NALF1: variants seen among roughly 807,000 people sequenced by gnomAD.
NALF1 encodes the protein family with sequence similarity 155 member A.
In NALF1, 3 loss-of-function variants were observed where a neutral mutation model predicts 48.4. The ratio of observed to expected loss-of-function variants is 0.06; its 90% confidence interval spans 0.03 to 0.16. The LOEUF (loss-of-function observed/expected upper bound fraction) is 0.16. Among genes scored for constraint, NALF1 ranks in the 10% least tolerant of loss-of-function variants. The probability of loss-of-function intolerance (pLI) is 1.00; values close to 1 mark genes in which losing one functional copy is unlikely to be tolerated. For synonymous variants in NALF1, 262 were observed against 245.7 expected, an observed-to-expected ratio of 1.07 and a Z score of -0.62; for missense variants, 526 against 571.5, an observed-to-expected ratio of 0.92 and a Z score of 0.81.
At chr13:107,667,203 G>A (rs1455529279) in intron 1 of NALF1, among the ~76,000 whole-genome samples, 1 of 151,898 alleles carries the variant, frequency 6.6e-6, no homozygotes, top group Non-Finnish European at 1.5e-5. Flanking sequence ...AACCTTGTAT[G>A]TAATTACCAT....
chr13:107,243,151 A>C (rs1338230884), intron 1 of NALF1, among the ~76,000 whole-genome samples: 1 of 152,074 alleles, frequency 6.6e-6, no homozygotes, highest in Non-Finnish European at 1.5e-5. Context: ...TCCTGACCTG[A>C]CCGCTGCCTG....
intron 1 of NALF1, among the ~76,000 whole-genome samples, chr13:107,835,863 C>T (rs1206217904): frequency 6.6e-6 from 1 of 152,056 alleles, no homozygotes; most frequent in Non-Finnish European, 1.5e-5. Context: ...AGATGAGGAT[C>T]GGGGTGAGAG....
chr13:107,224,116 A>C (rs1880052339), intron 1 of NALF1, among the ~76,000 whole-genome samples: 1 of 152,112 alleles, frequency 6.6e-6, no homozygotes, highest in Non-Finnish European at 1.5e-5. Context: ...AACAATCCTT[A>C]ATAATAAAAT....
At chr13:107,629,650 T>C (rs1176691506) in intron 1 of NALF1, among the ~76,000 whole-genome samples, 2 of 117,188 alleles carry the variant, frequency 1.7e-5, no homozygotes, top group Non-Finnish European at 3.9e-5. Context: ...AAGCAACAAA[T>C]TTTGGAGTCC....
intron 1 of NALF1, among the ~76,000 whole-genome samples, chr13:107,492,176 G>A (rs1464667708): frequency 3.3e-5 from 5 of 151,230 alleles, no homozygotes; most frequent in African/African-American, 9.7e-5. Flanking sequence ...TCAGCCTTAC[G>A]AGTAGCTGGG....
intron 1 of NALF1, among the ~76,000 whole-genome samples, chr13:107,736,982 C>G (rs1210439915): frequency 6.6e-6 from 1 of 152,182 alleles, no homozygotes; most frequent in Non-Finnish European, 1.5e-5. Context: ...GCAGTGCTGC[C>G]TTTCTAATTA....
At chr13:107,664,518 C>A (rs982710072) in intron 1 of NALF1, among the ~76,000 whole-genome samples, 5 of 152,176 alleles carry the variant, frequency 3.3e-5, no homozygotes, top group Non-Finnish European at 7.3e-5. Flanking sequence ...CCTATGGTGA[C>A]GCCCTCTAAG....
chr13:107,533,864 A>G (rs1196358769), intron 1 of NALF1, among the ~76,000 whole-genome samples: 2 of 152,120 alleles, frequency 1.3e-5, no homozygotes, highest in Non-Finnish European at 2.9e-5. Flanking sequence ...GTCATTGAAC[A>G]TAGGTAAAAT....
At chr13:107,695,468 A>G (rs144750914) in intron 1 of NALF1, among the ~76,000 whole-genome samples, 321 of 152,286 alleles carry the variant, frequency 2.1e-3, no homozygotes, top group African/African-American at 7.4e-3. Context: ...CAACAGGTTA[A>G]TACATCCCTT....
rs752751101 is a variant in NALF1, at chr13:107,434,918, C to G, written c.916-224163G>C. ...ACACCCTGACGTGGCACAGTGACATCCCCTGGCTATATTCTTTTTTCTGTG... is the reference window on the plus strand; with the variant it reads ...ACACCCTGACGTGGCACAGTGACATGCCCTGGCTATATTCTTTTTTCTGTG... On this transcript the variant is annotated intron_variant, in intron 1 of 2. Transcript: ENST00000375915. Among the ~76,000 whole-genome samples the G allele has an allele frequency of 3.2e-4, 48 of 152,132 alleles. 1 individual carries two copies. The highest frequency in any genetic ancestry group is 2.9e-3 in the Admixed American group (45 of 15,264).
At chr13:107,424,551 A>G (rs1439142251) in intron 1 of NALF1, among the ~76,000 whole-genome samples, 2 of 152,136 alleles carry the variant, frequency 1.3e-5, no homozygotes, top group African/African-American at 4.8e-5. Flanking sequence ...GCTACAAATC[A>G]TGACAACCAT....
intron 1 of NALF1, among the ~76,000 whole-genome samples, chr13:107,571,157 C>T (rs1877975576): frequency 6.6e-6 from 1 of 152,100 alleles, no homozygotes; most frequent in Admixed American, 6.5e-5. Context: ...TCATAAAATC[C>T]TTAGAATTTC....
At chr13:107,801,863 C>T (rs1000955128) in intron 1 of NALF1, among the ~76,000 whole-genome samples, 1 of 152,126 alleles carries the variant, frequency 6.6e-6, no homozygotes, top group African/African-American at 2.4e-5. Flanking sequence ...GCACAGCCAG[C>T]GCTGCACCGG....
chr13:107,314,350 G>T (rs531542508), intron 1 of NALF1, among the ~76,000 whole-genome samples: 6 of 152,006 alleles, frequency 3.9e-5, no homozygotes, highest in African/African-American at 1.4e-4. Context: ...CTTGCCTTAG[G>T]ATACTGTGCT....
chr13:107,699,187 T>C (rs1881762773), intron 1 of NALF1, among the ~76,000 whole-genome samples: 1 of 152,140 alleles, frequency 6.6e-6, no homozygotes, highest in Non-Finnish European at 1.5e-5. Flanking sequence ...TGTGAACTTT[T>C]TGGTTTGGAG....
intron 1 of NALF1, among the ~76,000 whole-genome samples, chr13:107,666,521 G>T (rs1365415405): frequency 6.6e-6 from 1 of 152,054 alleles, no homozygotes; most frequent in Non-Finnish European, 1.5e-5. Context: ...GCACCCACGG[G>T]GTGGAAAGTT....
intron 1 of NALF1, among the ~76,000 whole-genome samples, chr13:107,231,739 G>A (rs983619125): frequency 2.0e-5 from 3 of 152,128 alleles, no homozygotes; most frequent in African/African-American, 7.2e-5. Context: ...ACTGATTTGC[G>A]CATTTGAAAT....
At chr13:107,396,107 T>C (rs1437882088) in intron 1 of NALF1, among the ~76,000 whole-genome samples, 2 of 152,086 alleles carry the variant, frequency 1.3e-5, no homozygotes, top group Admixed American at 6.6e-5. Context: ...AGCTCTTTAA[T>C]TGGGTGGCAG....
At chr13:107,556,294 TATACAC>T (rs1379568875) in intron 1 of NALF1, among the ~76,000 whole-genome samples, 54 of 97,554 alleles carry the variant, frequency 5.5e-4, no homozygotes, top group Admixed American at 1.8e-3. Context: ...TATATATATA[TATACAC>T]ACACACACAC....
Sources: gnomAD v4.1 joint callset for allele counts (sites outside exome capture counted in the v4.1 genomes callset) on GRCh38, gnomAD v4.1.1 for gene constraint, MANE v1.5 for transcripts, NCBI Gene and HGNC (gene_info 2026-07-23, HGNC 2026-07-21) for gene names.